The following ISL1 variants were observed in gnomAD, a reference collection of about 807,000 sequenced individuals.
The protein encoded by ISL1 is insulin gene enhancer protein ISL-1.
Under a neutral mutation model 35.3 loss-of-function variants are expected in ISL1, and 4 were observed. That is an observed-to-expected ratio of 0.11 (90% CI 0.06 to 0.26). The LOEUF (loss-of-function observed/expected upper bound fraction) is 0.26. Ranked by LOEUF, ISL1 falls within the 10% of genes least tolerant of loss-of-function variation. The probability of loss-of-function intolerance (pLI) is 1.00; values close to 1 mark genes in which losing one functional copy is unlikely to be tolerated. For missense variants in ISL1, 340 were observed against 472.8 expected (o/e 0.72, Z 2.60); for synonymous variants, 186 against 172.3 (o/e 1.08, Z -0.62).
chr5:51,386,594 A>G, intron 2 of ISL1: 1 of 456,048 alleles, frequency 2.2e-6, no homozygotes, highest in Non-Finnish European at 4.4e-6. Context: ...AGGGAAGTGC[A>G]GCCTAGATGG....
rs1235874707 is a variant in ISL1, at chr5:51,384,653, G to A, written c.141G>A (p.Glu47=). The A allele has an allele frequency of 6.2e-7, 1 of 1,614,168 alleles. No individual in the cohort carries two copies. Among genetic ancestry groups the A allele is most frequent in the South Asian group, 1.1e-5 (1 of 91,090 alleles). ...ATGCGGCATGTTTGAAATGTGCGGA[G>A]TGTAATCAGTATTTGGACGAGAGCT... ...EWHAACLKCA[E]CNQYLDESCT... The change falls in exon 2 of 6, where the codon GAG becomes GAA. Residue 47 remains glutamate, a synonymous_variant. Transcript: ENST00000230658.
intron 2 of ISL1, 78 bp downstream of exon 2, chr5:51,384,808 G>A: frequency 7.1e-7 from 1 of 1,402,406 alleles, no homozygotes; most frequent in Non-Finnish European, 1.0e-6. Context: ...ATTTGGTGTG[G>A]CTTTGTCTTT....
intron 4 of ISL1, among the ~76,000 whole-genome samples, chr5:51,390,661 T>C (rs868866143): frequency 0.062 from 7,626 of 122,868 alleles, 620 homozygotes; most frequent in African/African-American, 0.11. Flanking sequence ...TTTTTTTTTT[T>C]TTTTTTTTTT....
intron 2 of ISL1, among the ~76,000 whole-genome samples, chr5:51,386,853 G>C (rs749111991): frequency 2.0e-5 from 3 of 152,202 alleles, no homozygotes; most frequent in Non-Finnish European, 4.4e-5. Context: ...GTTGGAGAAA[G>C]ACTGGAAAGT....
rs778121515 is a variant in ISL1 at position 51,387,753 on chromosome 5, C to T, written c.478+4C>T. ...GCGCGGCCACTGCAAATGGCAGGTA[C>T]TCCTCTGCCCGGCTCGGGTAGGCAG... On this transcript the variant is annotated splice_donor_region_variant and intron_variant, in intron 3 of 5. Coordinates refer to ENST00000230658, the MANE Select transcript of ISL1 (RefSeq NM_002202.3). The surrounding 1 kb of genome is among the most constrained non-coding windows in gnomAD (Gnocchi z 4.3). The T allele has an allele frequency of 1.3e-5, 21 of 1,613,888 alleles. No homozygotes were observed. The East Asian group carries it at 3.8e-4, about 29-fold the overall frequency.
In ISL1 at chr5:51,389,806, A is replaced by G. The variant is rs1561207874; in HGVS notation, c.639A>G (p.Gln213=). 16 of 1,614,064 alleles carry G rather than the reference A, an allele frequency of 9.9e-6. No individual in the cohort carries two copies. Among genetic ancestry groups the G allele is most frequent in the Non-Finnish European group, 1.4e-5 (16 of 1,180,016 alleles). Reference sequence around the variant, plus strand: ...GGCCAGATGCGCTCATGAAGGAGCAACTGGTAGAGATGACGGGCCTCAGTC... The same window carrying G: ...GGCCAGATGCGCTCATGAAGGAGCAGCTGGTAGAGATGACGGGCCTCAGTC... ...NPRPDALMKE[Q]LVEMTGLSPR... is the part of the protein sequence containing the mutation. Residue 213 remains glutamine (Q), a synonymous_variant, in exon 4 of 6, where the codon CAA becomes CAG. Transcript: ENST00000230658. This position sits in a 1 kb window ranked among gnomAD's most constrained non-coding sequence, Gnocchi z 5.0.
At chr5:51,383,757 C>G (rs1747270143) in intron 1 of ISL1, 58 bp downstream of exon 1, 1 of 1,454,730 alleles carries the variant, frequency 6.9e-7, no homozygotes, top group Non-Finnish European at 9.7e-7. Context: ...GGGGTTCTCT[C>G]TCAGGCACAG....
intron 5 of ISL1, among the ~76,000 whole-genome samples, chr5:51,393,149 A>G (rs1331470265): frequency 6.6e-6 from 1 of 152,238 alleles, no homozygotes; most frequent in Non-Finnish European, 1.5e-5. Flanking sequence ...CCAGGGCAAC[A>G]TGTAGCCAGC....
Position 51,387,857 on chromosome 5 carries a change from C to T in ISL1, c.478+108C>T. 7.0e-7 allele frequency: 1 copy of T among 1,420,192 alleles called. No homozygotes were observed. The highest frequency in any genetic ancestry group is 9.7e-7 in the Non-Finnish European group (1 of 1,035,988). 88.0% of individuals were successfully genotyped at this position (1,420,192 alleles called of 1,614,324 possible). A position where few individuals can be genotyped will look rare whatever the true frequency, so the allele number is the denominator to read the frequency against. ...CAGGGGTGGTCGTAGTGTTTGCCTG[C>T]AGTTAAATGAAGTGTTCTGTATGCA... On this transcript the variant is annotated intron_variant, in intron 3 of 5. Coordinates refer to ENST00000230658, the MANE Select transcript of ISL1 (RefSeq NM_002202.3). The surrounding 1 kb of genome is among the most constrained non-coding windows in gnomAD (Gnocchi z 4.3).
chr5:51,390,636 C>CCTT lies in ISL1; in HGVS notation c.766-638_766-637insCTT, dbSNP rs1747475980. On this transcript the variant is annotated intron_variant, in intron 4 of 5. Transcript: ENST00000230658. ...TTTTCTTCCTTTTTTTCTTTTCTTT[C>CCTT]TTTTTCTTTTTTTTTTTTTTTTTTT... Among the ~76,000 whole-genome samples the CCTT allele has an allele frequency of 5.0e-4, 37 of 74,324 alleles. 2 individuals are homozygous for CCTT. Among genetic ancestry groups the CCTT allele is most frequent in the African/African-American group, 1.5e-3 (36 of 23,668 alleles). 48.8% of individuals were successfully genotyped at this position (74,324 alleles called of 152,430 possible).
At chr5:51,393,200 GC>G (rs1179167027) in intron 5 of ISL1, among the ~76,000 whole-genome samples, 1 of 152,190 alleles carries the variant, frequency 6.6e-6, no homozygotes, top group Non-Finnish European at 1.5e-5. Context: ...GAGTTGTGAT[GC>G]CATTTTACAG....
At chr5:51,391,214 A>G in intron 4 of ISL1, 60 bp from the exon 5 acceptor site, 1 of 1,578,308 alleles carries the variant, frequency 6.3e-7, no homozygotes, top group South Asian at 1.1e-5. Context: ...CTGTGCAGAC[A>G]ACGGAGGGAG....
chr5:51,384,149 T>C (rs896399318), intron 1 of ISL1, among the ~76,000 whole-genome samples: 1 of 151,072 alleles, frequency 6.6e-6, no homozygotes, highest in African/African-American at 2.4e-5. Context: ...ACGGAAAATA[T>C]AGACATCCCT....
At chr5:51,391,533 G>A in intron 5 of ISL1, 92 bp downstream of exon 5, 1 of 1,432,450 alleles carries the variant, frequency 7.0e-7, no homozygotes, top group Middle Eastern at 1.8e-4. Context: ...TGGGGAGGGT[G>A]CCTTCTTGGG....
chr5:51,385,060 T>C (rs959609218), intron 2 of ISL1, among the ~76,000 whole-genome samples: 1 of 152,128 alleles, frequency 6.6e-6, no homozygotes, highest in Non-Finnish European at 1.5e-5. Context: ...ATGGAGAAGT[T>C]TGGATTTTTA....
chr5:51,387,373 A>T lies in ISL1; in HGVS notation c.219-117A>T. 1 of 1,076,234 alleles carries T rather than the reference A, an allele frequency of 9.3e-7. No individual in the cohort carries two copies. The highest frequency in any genetic ancestry group is 1.4e-6 in the Non-Finnish European group (1 of 717,300). 66.7% of individuals were successfully genotyped at this position (1,076,234 alleles called of 1,614,324 possible). ...CAACTTCTGTTTGGAAATGCTGTTT[A>T]CTTGGGGCGTCTTGCCCGGGATCTT... is the stretch of plus-strand genomic sequence containing the variant. On this transcript the variant is annotated intron_variant, in intron 2 of 5. Transcript: ENST00000230658. The surrounding 1 kb of genome is among the most constrained non-coding windows in gnomAD (Gnocchi z 4.3).
Position 51,389,654 on chromosome 5 carries a change from A to T in ISL1, c.487A>T (p.Ile163Phe). 1 of 1,609,346 alleles carries T rather than the reference A, an allele frequency of 6.2e-7. No homozygotes were observed. The highest frequency in any genetic ancestry group is 8.5e-7 in the Non-Finnish European group (1 of 1,179,482). The change falls in exon 4 of 6, where the codon ATC becomes TTC. Residue 163 changes from isoleucine (I) to phenylalanine (F), a missense_variant. Physicochemically the swap from Ile to Phe is conservative, Grantham distance 21. This residue lies in a region of ISL1 where 94 missense variants were observed against 102.1 expected (regional missense o/e 0.92). Transcript: ENST00000230658. This position sits in a 1 kb window ranked among gnomAD's most constrained non-coding sequence, Gnocchi z 5.0. Reference protein sequence around the residue: ...ARPLQMAAEPISARQPALRPH... With the variant: ...ARPLQMAAEPFSARQPALRPH... ...CGCTCCTTGCCCCGCAGCGGAGCCC[A>T]TCTCCGCCAGGCAGCCAGCCCTGCG...
At position 51,387,920 on chromosome 5, in the gene ISL1, A is replaced by G. The variant is rs936018545; in HGVS notation, c.478+171A>G. On this transcript the variant is annotated intron_variant, in intron 3 of 5. Transcript: ENST00000230658. The surrounding 1 kb of genome is among the most constrained non-coding windows in gnomAD (Gnocchi z 4.3). ...CTCTGCTCCTTTGCAGCAAGGTTCA[A>G]TGCACTCACTGTCTCCCTTGATTCC... 6.6e-6 allele frequency among the ~76,000 whole-genome samples: 1 copy of G among 152,216 alleles called. No individual in the cohort carries two copies. Among genetic ancestry groups the G allele is most frequent in the Non-Finnish European group, 1.5e-5 (1 of 68,040 alleles).
At chr5:51,384,428 A>G (rs1747294020) in intron 1 of ISL1, 113 bp from the exon 2 acceptor site, 1 of 915,568 alleles carries the variant, frequency 1.1e-6, no homozygotes, top group South Asian at 1.5e-5. Flanking sequence ...AGAAAGAAAG[A>G]AAGAAAGAAA....
Sources: allele counts gnomAD v4.1 joint callset (sites outside exome capture counted in the v4.1 genomes callset), GRCh38; gene constraint gnomAD v4.1.1; regional missense constraint gnomAD v4.1.1; non-coding constraint Gnocchi (gnomAD v3.1); transcripts MANE v1.5; gene names NCBI Gene and HGNC (gene_info 2026-07-23, HGNC 2026-07-21).